NGEF: variants seen among roughly 807,000 people sequenced by gnomAD.
NGEF encodes neuronal guanine nucleotide exchange factor.
In NGEF, 31 loss-of-function variants were observed where a neutral mutation model predicts 80.9. The ratio of observed to expected loss-of-function variants is 0.38; its 90% confidence interval spans 0.29 to 0.52. The LOEUF (loss-of-function observed/expected upper bound fraction) is 0.52. Among genes scored for constraint, NGEF ranks in the 20% least tolerant of loss-of-function variants. The pLI is 0.84. For synonymous variants in NGEF, 371 were observed against 370.2 expected (o/e 1.00, Z -0.03); for missense variants, 709 against 926.2 (o/e 0.77, Z 3.04).
intron 3 of NGEF, 26 bp downstream of exon 3, chr2:232,970,188 A>G (rs1694156484): frequency 4.4e-6 from 6 of 1,376,302 alleles, no homozygotes; most frequent in South Asian, 1.3e-5. Flanking sequence ...CCAGACCAGC[A>G]TTCCTCATGA....
At position 232,920,433 on chromosome 2, in the gene NGEF, GCTCCTC is replaced by G. The variant is rs571348475; in HGVS notation, c.673_678del (p.Glu225_Glu226del). The G allele has an allele frequency of 3.1e-6, 5 of 1,613,454 alleles. No individual in the cohort carries two copies. Among genetic ancestry groups the G allele is most frequent in the African/African-American group, 2.7e-5 (2 of 74,850 alleles). On this transcript the variant is annotated inframe_deletion, in exon 5 of 15. Coordinates refer to ENST00000264051, the MANE Select transcript of NGEF (RefSeq NM_019850.3). Reference sequence around the variant, plus strand: ...GTCTTCCTCTCTGGTGGGCTGGCCGGCTCCTCCTCCTCCTCCTCTTCTTCTTCCTCC... The same window carrying G: ...GTCTTCCTCTCTGGTGGGCTGGCCGGCTCCTCCTCCTCTTCTTCTTCCTCC...
At chr2:232,932,828 G>A (rs1157769005) in intron 3 of NGEF, among the ~76,000 whole-genome samples, 2 of 152,096 alleles carry the variant, frequency 1.3e-5, no homozygotes, top group Non-Finnish European at 2.9e-5. Flanking sequence ...TAAGGGCCGA[G>A]TGCGGTGGCT....
At chr2:232,933,943 A>G (rs1161882713) in intron 3 of NGEF, among the ~76,000 whole-genome samples, 1 of 152,184 alleles carries the variant, frequency 6.6e-6, no homozygotes, top group East Asian at 1.9e-4. Flanking sequence ...ATCAGGAGCC[A>G]GACAAAAACC....
intron 3 of NGEF, among the ~76,000 whole-genome samples, chr2:232,951,152 C>T (rs541051050): frequency 1.4e-4 from 21 of 152,246 alleles, no homozygotes; most frequent in Admixed American, 6.5e-4. Flanking sequence ...TGGCACTCAC[C>T]GGAACAACAG....
Position 232,963,357 on chromosome 2 carries a change from C to G in NGEF, c.383+6857G>C, listed in dbSNP as rs1056688001. 3.3e-5 allele frequency among the ~76,000 whole-genome samples: 5 copies of G among 151,876 alleles called. 1 individual carries two copies. Among genetic ancestry groups the G allele is most frequent in the African/African-American group, 1.2e-4 (5 of 41,200 alleles). ...ACTAGAGATCTATATGGACCATAGA[C>G]CCAAATGTGAAAATGAAGAGTCTAA... On this transcript the variant is annotated intron_variant, in intron 3 of 14. Coordinates refer to ENST00000264051, the MANE Select transcript of NGEF (RefSeq NM_019850.3).
At chr2:232,955,367 A>C (rs963772676) in intron 3 of NGEF, among the ~76,000 whole-genome samples, 5 of 152,078 alleles carry the variant, frequency 3.3e-5, no homozygotes, top group African/African-American at 1.2e-4. Context: ...ATCACCAATG[A>C]CCCTCAGACT....
At chr2:232,943,551 A>G (rs992051814) in intron 3 of NGEF, among the ~76,000 whole-genome samples, 1 of 121,402 alleles carries the variant, frequency 8.2e-6, no homozygotes, top group Non-Finnish European at 1.9e-5. Flanking sequence ...GCTGGAGTGC[A>G]GTGGCGCGAT....
intron 2 of NGEF, among the ~76,000 whole-genome samples, chr2:232,973,897 T>A (rs1694242273): frequency 6.6e-6 from 1 of 152,122 alleles, no homozygotes; most frequent in Non-Finnish European, 1.5e-5. Flanking sequence ...ACTGATGAAG[T>A]CTCTGGATTT....
chr2:232,907,025 C>A (rs1190689153), intron 5 of NGEF, among the ~76,000 whole-genome samples: 1 of 151,372 alleles, frequency 6.6e-6, no homozygotes, highest in South Asian at 2.1e-4. Context: ...ATCTCAAGTA[C>A]CCAGGGACAC....
At chr2:232,884,583 A>G (rs1691615894) in intron 10 of NGEF, among the ~76,000 whole-genome samples, 1 of 152,142 alleles carries the variant, frequency 6.6e-6, no homozygotes. Context: ...AGAATCAGAG[A>G]AGGGGCTGAG....
In NGEF at chr2:232,985,407, A is replaced by C. The variant is rs781500986; in HGVS notation, c.-74-10443T>G. 4.2e-4 allele frequency among the ~76,000 whole-genome samples: 64 copies of C among 152,074 alleles called. 1 individual carries two copies. Among genetic ancestry groups the C allele is most frequent in the Admixed American group, 1.3e-4 (2 of 15,250 alleles). ...CGAGGCGGGCAGATCACCTGAGGTC[A>C]GGAGTTCAAGACCAGCCTGGCCAAA... On this transcript the variant is annotated intron_variant, in intron 1 of 14. Transcript: ENST00000264051.
intron 1 of NGEF, among the ~76,000 whole-genome samples, chr2:233,000,702 G>A (rs576621733): frequency 6.6e-6 from 1 of 151,570 alleles, no homozygotes; most frequent in East Asian, 2.0e-4. Flanking sequence ...GGAGCTTGCA[G>A]TGAGCCGAGA....
intron 4 of NGEF, among the ~76,000 whole-genome samples, chr2:232,925,616 G>A (rs1693047280): frequency 1.3e-5 from 2 of 152,150 alleles, no homozygotes; most frequent in South Asian, 2.1e-4. Context: ...CACACCCACA[G>A]TGCAGAAGGG....
intron 5 of NGEF, among the ~76,000 whole-genome samples, chr2:232,910,840 G>T (rs1692677651): frequency 6.6e-6 from 1 of 152,166 alleles, no homozygotes; most frequent in Non-Finnish European, 1.5e-5. Context: ...TTTTAAATTG[G>T]ACTGTTGTTT....
rs893694229 is a variant in NGEF at position 232,892,113 on chromosome 2, A to G, written c.1143-626T>C. Among the ~76,000 whole-genome samples, 1 of 152,154 alleles carries G rather than the reference A, an allele frequency of 6.6e-6. No individual in the cohort carries two copies. Among genetic ancestry groups the G allele is most frequent in the African/African-American group, 2.4e-5 (1 of 41,404 alleles). On this transcript the variant is annotated intron_variant, in intron 7 of 14. Coordinates refer to ENST00000264051, the MANE Select transcript of NGEF (RefSeq NM_019850.3). The surrounding 1 kb of genome is among the most constrained non-coding windows in gnomAD (Gnocchi z 4.0). ...CTGTGAATGATTCCTAATCTGCCAC[A>G]TGCTTGCCTTCTCAATGTTTATCCT... is the stretch of plus-strand genomic sequence containing the variant.
Position 232,879,229 on chromosome 2 carries a change from G to T in NGEF, c.*260C>A. On this transcript the variant is annotated 3_prime_UTR_variant, in exon 15 of 15. Transcript: ENST00000264051. ...CCCCCTTCCACCCCCTCGGAGGCAT[G>T]AGGGAGGTGGTGTAATACTGCTGAA... The T allele has an allele frequency of 2.5e-6, 1 of 401,222 alleles. No homozygotes were observed. Among genetic ancestry groups the T allele is most frequent in the Non-Finnish European group, 4.5e-6 (1 of 221,826 alleles). 24.9% of individuals were successfully genotyped at this position (401,222 alleles called of 1,614,324 possible). A position where few individuals can be genotyped will look rare whatever the true frequency, so the allele number is the denominator to read the frequency against.
chr2:232,907,171 AAAG>A (rs1309377471), intron 5 of NGEF, among the ~76,000 whole-genome samples: 1 of 114,516 alleles, frequency 8.7e-6, no homozygotes, highest in Non-Finnish European at 1.8e-5. Context: ...AAAAAAAAAA[AAAG>A]AAAAGAAAAA....
chr2:232,920,199 C>G (rs569342645), intron 5 of NGEF, 85 bp downstream of exon 5: 1 of 1,349,546 alleles, frequency 7.4e-7, no homozygotes, highest in Non-Finnish European at 1.0e-6. Context: ...CAGGGAACCT[C>G]ACCCCCCAGA....
rs1274944227 is a variant in NGEF at position 232,968,093 on chromosome 2, C to CTTTTTT, written c.383+2115_383+2120dup. 2.4e-5 allele frequency among the ~76,000 whole-genome samples: 3 copies of CTTTTTT among 125,782 alleles called. 1 individual carries two copies. Among genetic ancestry groups the CTTTTTT allele is most frequent in the African/African-American group, 1.0e-4 (3 of 29,632 alleles). 82.5% of individuals were successfully genotyped at this position (125,782 alleles called of 152,430 possible). ...TTGCTGAGGGCAGAAACAGACCTGG[C>CTTTTTT]TTTTTTTTTTTTGAGACAAAGTTTC... On this transcript the variant is annotated intron_variant, in intron 3 of 14. Transcript: ENST00000264051.
Sources: allele counts gnomAD v4.1 joint callset (sites outside exome capture counted in the v4.1 genomes callset), GRCh38; gene constraint gnomAD v4.1.1; non-coding constraint Gnocchi (gnomAD v3.1); transcripts MANE v1.5; gene names NCBI Gene and HGNC (gene_info 2026-07-23, HGNC 2026-07-21).